Variants in MRPS27 observed in about 807,000 individuals in gnomAD.
MRPS27 encodes mitochondrial ribosomal protein S27, also known as small ribosomal subunit protein mS27.
Under a neutral mutation model 48.9 loss-of-function variants are expected in MRPS27, and 43 were observed. The observed-to-expected ratio is 0.88, with a 90% CI of 0.69 to 1.13. The LOEUF (loss-of-function observed/expected upper bound fraction) is 1.13. Ranked by LOEUF, MRPS27 falls within the 50% of genes most tolerant of loss-of-function variation. The pLI is 0.00. For synonymous variants in MRPS27, 188 were observed against 171.9 expected (o/e 1.09, Z -0.73); for missense variants, 467 against 476.3 (o/e 0.98, Z 0.18).
intron 4 of MRPS27, among the ~76,000 whole-genome samples, chr5:72,241,009 C>A (rs1748336231): frequency 6.6e-6 from 1 of 152,156 alleles, no homozygotes; most frequent in African/African-American, 2.4e-5. Context: ...AATCTTAGAC[C>A]CAATTATGTC....
At chr5:72,234,018 G>T in intron 6 of MRPS27, 101 bp downstream of exon 6, 1 of 1,240,226 alleles carries the variant, frequency 8.1e-7, no homozygotes, top group Non-Finnish European at 1.0e-6. Context: ...GTAATGAAGA[G>T]ATGTTATTAA....
At chr5:72,238,746 C>T (rs1245182613) in intron 4 of MRPS27, among the ~76,000 whole-genome samples, 1 of 152,176 alleles carries the variant, frequency 6.6e-6, no homozygotes, top group Non-Finnish European at 1.5e-5. Flanking sequence ...CCCTTACTTC[C>T]TATAGCTCCC....
chr5:72,258,502 A>T (rs1291921799), intron 4 of MRPS27, among the ~76,000 whole-genome samples: 1 of 152,162 alleles, frequency 6.6e-6, no homozygotes, highest in Non-Finnish European at 1.5e-5. Context: ...AACCCCCAGG[A>T]CAACACTGCT....
intron 8 of MRPS27, among the ~76,000 whole-genome samples, chr5:72,226,508 T>C (rs1412503206): frequency 2.6e-5 from 4 of 152,184 alleles, no homozygotes; most frequent in African/African-American, 9.7e-5. Context: ...CTGACATATA[T>C]GGCTCTAGGT....
In MRPS27 at chr5:72,293,887, C is replaced by G. The variant is rs74629587; in HGVS notation, c.281+1644G>C. 3.1e-3 allele frequency among the ~76,000 whole-genome samples: 467 copies of G among 152,230 alleles called. 5 individuals carry two copies. The highest frequency in any genetic ancestry group is 0.011 in the African/African-American group (439 of 41,536). On this transcript the variant is annotated intron_variant, in intron 4 of 10. Transcript: ENST00000261413. ...CTGGCCAGATGCCAGCCCAAATACA[C>G]CCTTCATCACAGACAAAAAGTAACT...
chr5:72,242,665 T>TAC (rs57589095), intron 4 of MRPS27, among the ~76,000 whole-genome samples: 9,873 of 134,112 alleles, frequency 0.074, 582 homozygotes, highest in African/African-American at 0.15. Flanking sequence ...AGACCCCGTC[T>TAC]ACACACACAC....
chr5:72,315,014 C>G (rs1283537911), intron 1 of MRPS27, among the ~76,000 whole-genome samples: 1 of 152,178 alleles, frequency 6.6e-6, no homozygotes, highest in African/African-American at 2.4e-5. Context: ...TACCACTATT[C>G]CTAGCTCCTG....
At chr5:72,308,713 G>A (rs1750352450) in intron 2 of MRPS27, among the ~76,000 whole-genome samples, 1 of 152,238 alleles carries the variant, frequency 6.6e-6, no homozygotes, top group Non-Finnish European at 1.5e-5. Flanking sequence ...AAGTAGTGTC[G>A]TCGAGTAAAA....
At chr5:72,259,620 A>T (rs890810218) in intron 4 of MRPS27, among the ~76,000 whole-genome samples, 2 of 152,184 alleles carry the variant, frequency 1.3e-5, no homozygotes, top group Non-Finnish European at 2.9e-5. Flanking sequence ...ACAGAGAAAT[A>T]AAAATCACTT....
At chr5:72,273,954 A>C (rs1291200723) in intron 4 of MRPS27, among the ~76,000 whole-genome samples, 1 of 152,252 alleles carries the variant, frequency 6.6e-6, no homozygotes, top group Non-Finnish European at 1.5e-5. Context: ...AAACACAAAC[A>C]TACTGTACAG....
intron 4 of MRPS27, among the ~76,000 whole-genome samples, chr5:72,290,138 A>G (rs1276358648): frequency 6.6e-6 from 1 of 152,126 alleles, no homozygotes; most frequent in African/African-American, 2.4e-5. Flanking sequence ...AGAGACATAG[A>G]GCCCGCCCCA....
At chr5:72,241,328 C>T (rs1748344860) in intron 4 of MRPS27, 1 of 339,456 alleles carries the variant, frequency 2.9e-6, no homozygotes, top group Non-Finnish European at 5.4e-6. Flanking sequence ...AAAAAATAAA[C>T]TGAGGAAAAG....
intron 4 of MRPS27, among the ~76,000 whole-genome samples, chr5:72,276,757 C>A (rs73127270): frequency 0.015 from 2,285 of 151,332 alleles, 67 homozygotes; most frequent in African/African-American, 0.051. Flanking sequence ...AAGCGCCAGG[C>A]GTGGTGGCTC....
At position 72,309,861 on chromosome 5, in the gene MRPS27, T is replaced by C. The variant is rs562373121; in HGVS notation, c.151+4220A>G. Among the ~76,000 whole-genome samples, 9 of 152,340 alleles carry C rather than the reference T, an allele frequency of 5.9e-5. No individual in the cohort carries two copies. The South Asian group carries it at 1.9e-3, about 32-fold the overall frequency. On this transcript the variant is annotated intron_variant, in intron 2 of 10. Transcript: ENST00000261413. ...TCTGATCACTAGAACAGTATAGTAT[T>C]GGCCCTACAGAGCATTTTAGGATAT...
chr5:72,295,767 C>G (rs1749961955), intron 3 of MRPS27, among the ~76,000 whole-genome samples, 178 bp from the exon 4 acceptor site: 1 of 152,166 alleles, frequency 6.6e-6, no homozygotes, highest in Non-Finnish European at 1.5e-5. Flanking sequence ...CCCCTTTATG[C>G]TAATGCAAAC....
intron 4 of MRPS27, among the ~76,000 whole-genome samples, chr5:72,252,493 TC>T (rs747201719): frequency 7.9e-5 from 12 of 152,178 alleles, no homozygotes; most frequent in Non-Finnish European, 1.5e-4. Flanking sequence ...CCAAGCATTA[TC>T]CTAAGTACTT....
At position 72,220,879 on chromosome 5, in the gene MRPS27, G is replaced by C. The variant is rs776454105; in HGVS notation, c.*30C>G. On this transcript the variant is annotated 3_prime_UTR_variant, in exon 11 of 11. Transcript: ENST00000261413. ...TGGCACGGGGTTGAGTGAAGTTCTT[G>C]TGAGACAGGTGGGGCCCTGGGGGAC... 1 of 1,612,554 alleles carries C rather than the reference G, an allele frequency of 6.2e-7. No individual in the cohort carries two copies.
At chr5:72,286,190 A>G (rs928621749) in intron 4 of MRPS27, among the ~76,000 whole-genome samples, 2 of 152,210 alleles carry the variant, frequency 1.3e-5, no homozygotes, top group Non-Finnish European at 2.9e-5. Flanking sequence ...GCGTGTGTGT[A>G]TATACCTAAA....
chr5:72,285,260 C>T (rs982381028), intron 4 of MRPS27, among the ~76,000 whole-genome samples: 1 of 152,156 alleles, frequency 6.6e-6, no homozygotes, highest in Non-Finnish European at 1.5e-5. Context: ...ACGATTTGTT[C>T]CATCTTGAAC....
Sources: allele counts gnomAD v4.1 joint callset (sites outside exome capture counted in the v4.1 genomes callset), GRCh38; gene constraint gnomAD v4.1.1; transcripts MANE v1.5; gene names NCBI Gene and HGNC (gene_info 2026-07-23, HGNC 2026-07-21).